Variants in LUZP2 observed in about 807,000 individuals in gnomAD.
LUZP2 encodes leucine zipper protein 2.
A neutral mutation model predicts 51.6 loss-of-function variants in LUZP2; 52 were observed. That is an observed-to-expected ratio of 1.01 (90% CI 0.81 to 1.27). The LOEUF (loss-of-function observed/expected upper bound fraction) is 1.27, where lower values mean the gene tolerates loss of function less well. Among genes scored for constraint, LUZP2 ranks in the 50% most tolerant of loss-of-function variants. LUZP2 has a pLI of 0.00. For missense variants in LUZP2, 436 were observed against 395.4 expected (o/e 1.10, Z -0.87); for synonymous variants, 154 against 137.3 (o/e 1.12, Z -0.85).
chr11:25,002,484 G>C (rs1856712541), intron 9 of LUZP2, among the ~76,000 whole-genome samples: 1 of 152,200 alleles, frequency 6.6e-6, no homozygotes, highest in South Asian at 2.1e-4. Context: ...TGGTATCTAA[G>C]TAGGCAGTTG....
intron 5 of LUZP2, among the ~76,000 whole-genome samples, chr11:24,838,019 T>A (rs938864681): frequency 6.6e-6 from 1 of 151,694 alleles, no homozygotes; most frequent in African/African-American, 2.4e-5. Flanking sequence ...GGCACTGTTG[T>A]TAGCCCTTCA....
chr11:24,671,206 T>G (rs374532421), intron 1 of LUZP2, among the ~76,000 whole-genome samples: 1 of 151,980 alleles, frequency 6.6e-6, no homozygotes, highest in African/African-American at 2.4e-5. Context: ...CATTAAGAAC[T>G]CTTCTATATC....
At chr11:24,613,391 C>T (rs1854185475) in intron 1 of LUZP2, among the ~76,000 whole-genome samples, 1 of 151,972 alleles carries the variant, frequency 6.6e-6, no homozygotes, top group Admixed American at 6.6e-5. Context: ...CTATTTAAAA[C>T]TATCATAGGT....
At chr11:25,037,014 C>G (rs1857886774) in intron 9 of LUZP2, among the ~76,000 whole-genome samples, 1 of 151,972 alleles carries the variant, frequency 6.6e-6, no homozygotes. Context: ...TCTTTTTTAG[C>G]TTTCTGCCTC....
chr11:24,769,641 A>G (rs1217947389), intron 5 of LUZP2, among the ~76,000 whole-genome samples: 1 of 150,484 alleles, frequency 6.6e-6, no homozygotes, highest in Non-Finnish European at 1.5e-5. Context: ...GAAGGGAAAG[A>G]TGGAGGAGAT....
chr11:24,861,118 T>A (rs893338118), intron 5 of LUZP2, among the ~76,000 whole-genome samples: 2 of 152,120 alleles, frequency 1.3e-5, no homozygotes, highest in Non-Finnish European at 1.5e-5. Context: ...AACGACCTGA[T>A]GAATCTGAAA....
chr11:25,035,602 C>T lies in LUZP2; in HGVS notation c.766-14436C>T, dbSNP rs576922724. Reference sequence around the variant, plus strand: ...TAGAAGAATCAATATCAAAAATTGACCATTATGCCCAAAACAATGTACAGA... The same window carrying T: ...TAGAAGAATCAATATCAAAAATTGATCATTATGCCCAAAACAATGTACAGA... On this transcript the variant is annotated intron_variant, in intron 9 of 11. Transcript: ENST00000336930. Among the ~76,000 whole-genome samples, 50 of 152,132 alleles carry T rather than the reference C, an allele frequency of 3.3e-4. 1 individual carries two copies. The highest frequency in any genetic ancestry group is 1.0e-3 in the African/African-American group (43 of 41,524).
Position 24,710,514 on chromosome 11 carries a change from C to T in LUZP2, c.63-18655C>T, listed in dbSNP as rs188271545. 1.9e-3 allele frequency among the ~76,000 whole-genome samples: 290 copies of T among 152,232 alleles called. 1 individual carries two copies. Among genetic ancestry groups the T allele is most frequent in the East Asian group, 0.012 (62 of 5,178 alleles). On this transcript the variant is annotated intron_variant, in intron 1 of 11. Coordinates refer to ENST00000336930, the MANE Select transcript of LUZP2 (RefSeq NM_001009909.4). ...TTAATAAAAAAACTAACACATTGAT[C>T]GTATATTGACAGGGCTATTTTTCTC...
chr11:24,931,311 T>G (rs533880746), intron 7 of LUZP2, among the ~76,000 whole-genome samples: 34 of 152,146 alleles, frequency 2.2e-4, no homozygotes, highest in African/African-American at 7.5e-4. Flanking sequence ...TTGGGTTAAT[T>G]CAAAAGCCTT....
intron 11 of LUZP2, among the ~76,000 whole-genome samples, 156 bp downstream of exon 11, chr11:25,077,562 C>T (rs145362712): frequency 0.011 from 1,651 of 151,582 alleles, 31 homozygotes; most frequent in African/African-American, 0.038. Flanking sequence ...TGCAGTGGCG[C>T]AATCTCGGCT....
chr11:24,527,194 T>C (rs1360616764), intron 1 of LUZP2, among the ~76,000 whole-genome samples: 5 of 151,380 alleles, frequency 3.3e-5, no homozygotes, highest in African/African-American at 7.3e-5. Flanking sequence ...ATATTTATTT[T>C]TTGTTCCTCT....
At chr11:24,506,116 G>A (rs12287350) in intron 1 of LUZP2, among the ~76,000 whole-genome samples, 6,907 of 152,088 alleles carry the variant, frequency 0.045, 388 homozygotes, top group African/African-American at 0.13. Flanking sequence ...GATAAGTTTG[G>A]TCATGACCTG....
At chr11:24,719,634 C>A (rs1158889605) in intron 1 of LUZP2, among the ~76,000 whole-genome samples, 4 of 152,198 alleles carry the variant, frequency 2.6e-5, no homozygotes, top group Non-Finnish European at 5.9e-5. Flanking sequence ...CTCCTTATAT[C>A]CATATACACT....
chr11:24,544,290 A>G (rs1169660435), intron 1 of LUZP2, among the ~76,000 whole-genome samples: 2 of 151,886 alleles, frequency 1.3e-5, no homozygotes, highest in Non-Finnish European at 2.9e-5. Context: ...ATAAAAATAA[A>G]CCTTTTATGC....
intron 3 of LUZP2, among the ~76,000 whole-genome samples, chr11:24,737,972 A>AT (rs1859004144): frequency 6.6e-6 from 1 of 151,844 alleles, no homozygotes; most frequent in East Asian, 1.9e-4. Context: ...CAAACGTGGG[A>AT]TTTTTATAAA....
rs1262079987 is a variant in LUZP2, at chr11:25,082,228, T to C, written c.*3570T>C. 6.6e-6 allele frequency: 1 copy of C among 152,628 alleles called. No homozygotes were observed. The highest frequency in any genetic ancestry group is 1.9e-4 in the East Asian group (1 of 5,206). The allele number at this position is 152,628 out of a possible 1,614,324, so 9.5% of individuals were successfully genotyped here. ...AGTGCTGTTTCAGATACAGATCTGT[T>C]TCATCAAATATCCTCAATTACAAGT... On this transcript the variant is annotated 3_prime_UTR_variant, in exon 12 of 12. Coordinates refer to ENST00000336930, the MANE Select transcript of LUZP2 (RefSeq NM_001009909.4).
intron 5 of LUZP2, among the ~76,000 whole-genome samples, chr11:24,867,067 G>A: frequency 6.6e-6 from 1 of 152,058 alleles, no homozygotes; most frequent in East Asian, 1.9e-4. Context: ...GCATTAGCAG[G>A]CAACCCAATC....
chr11:24,681,175 G>A (rs373562152), intron 1 of LUZP2, among the ~76,000 whole-genome samples: 1 of 151,832 alleles, frequency 6.6e-6, no homozygotes, highest in African/African-American at 2.4e-5. Context: ...TAGAGACGGG[G>A]TTTCACCTTG....
chr11:24,698,417 A>G (rs77960786), intron 1 of LUZP2, among the ~76,000 whole-genome samples: 1 of 152,224 alleles, frequency 6.6e-6, no homozygotes, highest in Non-Finnish European at 1.5e-5. Context: ...ACCTTTTGGT[A>G]GCCATTGATA....
Sources: allele counts gnomAD v4.1 joint callset (sites outside exome capture counted in the v4.1 genomes callset), GRCh38; gene constraint gnomAD v4.1.1; transcripts MANE v1.5; gene names NCBI Gene and HGNC (gene_info 2026-07-23, HGNC 2026-07-21).